CASD1: variants seen among roughly 807,000 people sequenced by gnomAD.
CASD1 encodes the protein CAS1 domain sialic acid O acetyltransferase 1, also known as N-acetylneuraminate (7)9-O-acetyltransferase.
Under a neutral mutation model 100.0 loss-of-function variants are expected in CASD1, and 41 were observed. The observed-to-expected ratio is 0.41, with a 90% CI of 0.32 to 0.53. The LOEUF is 0.53. Among genes scored for constraint, CASD1 ranks in the 20% least tolerant of loss-of-function variants. The pLI, the probability that CASD1 is intolerant of heterozygous loss-of-function variation, is 0.25. For missense variants in CASD1, 774 were observed against 948.7 expected (o/e 0.82, Z 2.42); for synonymous variants, 321 against 315.6 (o/e 1.02, Z -0.18).
chr7:94,523,295 T>G (rs1457519596), intron 3 of CASD1, among the ~76,000 whole-genome samples: 5 of 152,148 alleles, frequency 3.3e-5, no homozygotes, highest in Admixed American at 3.3e-4. Flanking sequence ...CCAAAAAATT[T>G]ATAGAAAATT....
chr7:94,575,580 C>G, the CASD1 span, among the ~76,000 whole-genome samples: 1 of 152,154 alleles, frequency 6.6e-6, no homozygotes, highest in South Asian at 2.1e-4. Flanking sequence ...GTGTTGAGTT[C>G]ATGTCCTGAA....
intron 5 of CASD1, among the ~76,000 whole-genome samples, chr7:94,530,284 A>T (rs1211987460): frequency 6.6e-6 from 1 of 152,168 alleles, no homozygotes; most frequent in African/African-American, 2.4e-5. Flanking sequence ...GATGCTGAAG[A>T]TGATGTATAG....
the CASD1 span, chr7:94,619,220 G>A: frequency 7.7e-5 from 24 of 311,598 alleles, no homozygotes; most frequent in African/African-American, 3.9e-4. Context: ...ATAGAATTTG[G>A]CAAAACAACT....
At chr7:94,528,325 T>A (rs1584395261) in intron 5 of CASD1, 75 bp downstream of exon 5, 2 of 1,060,376 alleles carry the variant, frequency 1.9e-6, no homozygotes. Flanking sequence ...TTTATTCCCT[T>A]TACTCACTTG....
chr7:94,597,446 G>A, the CASD1 span: 2 of 151,942 alleles, frequency 1.3e-5, no homozygotes, highest in East Asian at 1.9e-4. Context: ...ATTCTACCTG[G>A]TTACAGAATA....
At chr7:94,558,709 T>G (rs955715761), downstream of CASD1, among the ~76,000 whole-genome samples, 1 of 152,152 alleles carries the variant, frequency 6.6e-6, no homozygotes, top group East Asian at 1.9e-4. Flanking sequence ...TAAAAATGGT[T>G]TCCAGAAAAG....
the CASD1 span, chr7:94,598,941 C>G: frequency 6.2e-7 from 1 of 1,613,696 alleles, no homozygotes; most frequent in Non-Finnish European, 8.5e-7. Context: ...TTCTGAATAG[C>G]ACTGTGATGG....
At chr7:94,521,797 A>G (rs376351063) in intron 3 of CASD1, among the ~76,000 whole-genome samples, 3 of 152,186 alleles carry the variant, frequency 2.0e-5, no homozygotes, top group Admixed American at 2.0e-4. Flanking sequence ...AAAAAGTGAG[A>G]TGGTAAAGCC....
At chr7:94,603,774 T>C in the CASD1 span, among the ~76,000 whole-genome samples, 1 of 152,188 alleles carries the variant, frequency 6.6e-6, no homozygotes, top group South Asian at 2.1e-4. Context: ...TATTTAGTAA[T>C]TACTATATTT....
chr7:94,588,576 G>A, the CASD1 span: 5 of 1,541,602 alleles, frequency 3.2e-6, no homozygotes, highest in Non-Finnish European at 2.6e-6. Context: ...AATGACACAA[G>A]TGTTTTGCCT....
At chr7:94,572,420 T>TTGG in the CASD1 span, among the ~76,000 whole-genome samples, 1 of 152,206 alleles carries the variant, frequency 6.6e-6, no homozygotes, top group African/African-American at 2.4e-5. Context: ...CTTGGCTTGG[T>TTGG]TGGTGGTGGT....
chr7:94,513,966 G>C (rs1469689210), intron 1 of CASD1, among the ~76,000 whole-genome samples: 2 of 151,970 alleles, frequency 1.3e-5, no homozygotes, highest in African/African-American at 4.8e-5. Flanking sequence ...CTAACATTAT[G>C]AATCTCAAAA....
chr7:94,591,998 T>C, the CASD1 span, among the ~76,000 whole-genome samples: 23 of 152,292 alleles, frequency 1.5e-4, no homozygotes, highest in African/African-American at 5.5e-4. Flanking sequence ...AAAATGCTTG[T>C]GTGCGCAAAA....
chr7:94,553,024 A>G (rs986516789), intron 16 of CASD1: 3 of 266,742 alleles, frequency 1.1e-5, no homozygotes, highest in Non-Finnish European at 2.2e-5. Flanking sequence ...CATAGTTCCT[A>G]CTCTTATGGA....
the CASD1 span, chr7:94,588,869 T>G: frequency 1.1e-6 from 1 of 891,318 alleles, no homozygotes. Context: ...CCCTCCCCTT[T>G]CATGAGCTTA....
intron 12 of CASD1, among the ~76,000 whole-genome samples, chr7:94,546,657 G>C (rs1795697231): frequency 1.3e-5 from 2 of 151,838 alleles, no homozygotes; most frequent in Admixed American, 6.6e-5. Flanking sequence ...TATATTTTAT[G>C]TTTAAACTCT....
chr7:94,529,581 G>A (rs1447559378), intron 5 of CASD1, among the ~76,000 whole-genome samples: 1 of 152,136 alleles, frequency 6.6e-6, no homozygotes, highest in African/African-American at 2.4e-5. Flanking sequence ...GTAGTAAGCT[G>A]CTAGATCCTG....
intron 10 of CASD1, 50 bp from the exon 11 acceptor site, chr7:94,544,361 A>G: frequency 6.2e-7 from 1 of 1,601,978 alleles, no homozygotes; most frequent in South Asian, 1.1e-5. Context: ...TGATAATCCA[A>G]GGTGTAGTTG....
At chr7:94,615,591 G>A in the CASD1 span, among the ~76,000 whole-genome samples, 1 of 152,124 alleles carries the variant, frequency 6.6e-6, no homozygotes, top group African/African-American at 2.4e-5. Context: ...GCAAAAAGCA[G>A]ACAATCAGTG....
Sources: allele counts gnomAD v4.1 joint callset (sites outside exome capture counted in the v4.1 genomes callset), GRCh38; gene constraint gnomAD v4.1.1; transcripts MANE v1.5; gene names NCBI Gene and HGNC (gene_info 2026-07-23, HGNC 2026-07-21).